EYS: variants seen among roughly 807,000 people sequenced by gnomAD.
EYS encodes the protein protein eyes shut homolog.
Under a neutral mutation model 282.1 loss-of-function variants are expected in EYS, and 250 were observed. The ratio of observed to expected loss-of-function variants is 0.89; its 90% CI spans 0.80 to 0.98. The LOEUF is 0.98. Ranked by LOEUF, EYS falls within the 50% of genes least tolerant of loss-of-function variation. EYS has a pLI of 0.00. For synonymous variants in EYS, 1,355 were observed against 1,282.9 expected (o/e 1.06, Z -1.20); for missense variants, 4,016 against 3,709.0 (o/e 1.08, Z -2.15).
chr6:64,068,566 G>A (rs888333367), intron 32 of EYS, among the ~76,000 whole-genome samples: 2 of 151,878 alleles, frequency 1.3e-5, no homozygotes, highest in Admixed American at 6.6e-5. Flanking sequence ...TGTAAATGAC[G>A]AGTTAATGGG....
intron 12 of EYS, among the ~76,000 whole-genome samples, chr6:65,238,496 T>G (rs367744787): frequency 6.6e-6 from 1 of 151,924 alleles, no homozygotes; most frequent in Non-Finnish European, 1.5e-5. Context: ...TTATTAGACC[T>G]CTTTAATCAT....
intron 30 of EYS, among the ~76,000 whole-genome samples, chr6:64,283,989 G>A (rs768097438): frequency 8.5e-5 from 13 of 152,132 alleles, no homozygotes; most frequent in Non-Finnish European, 1.8e-4. Flanking sequence ...AGATTTGGAT[G>A]AGGACACAGA....
At chr6:64,931,851 A>C (rs936474537) in intron 15 of EYS, among the ~76,000 whole-genome samples, 1 of 152,186 alleles carries the variant, frequency 6.6e-6, no homozygotes, top group South Asian at 2.1e-4. Context: ...ACAGAATCAA[A>C]CTTAATATGC....
chr6:64,783,218 C>T (rs1012768418), intron 22 of EYS, among the ~76,000 whole-genome samples: 1 of 152,022 alleles, frequency 6.6e-6, no homozygotes, highest in South Asian at 2.1e-4. Context: ...CTATGATTGT[C>T]CTATTTCATT....
chr6:65,269,283 A>G (rs1767836553), intron 12 of EYS, among the ~76,000 whole-genome samples: 1 of 152,154 alleles, frequency 6.6e-6, no homozygotes, highest in South Asian at 2.1e-4. Context: ...AAGCATGTCT[A>G]GATTATCTTG....
In EYS at chr6:63,776,849, C is replaced by A. The variant is rs184062383; in HGVS notation, c.7898+1157G>T. ...CCCTGTTTATTATCACATAAAAAAA[C>A]CCCCAAAATACTTAGTAGTAACCCC... On this transcript the variant is annotated intron_variant, in intron 40 of 42. Coordinates refer to ENST00000503581, the MANE Select transcript of EYS (RefSeq NM_001142800.2). Among the ~76,000 whole-genome samples, 926 of 152,156 alleles carry A rather than the reference C, an allele frequency of 6.1e-3. 3 individuals are homozygous for A. Among genetic ancestry groups the A allele is most frequent in the Non-Finnish European group, 8.7e-3 (592 of 67,980 alleles).
intron 19 of EYS, among the ~76,000 whole-genome samples, chr6:64,854,013 T>C (rs928711161): frequency 6.6e-6 from 1 of 152,064 alleles, no homozygotes; most frequent in African/African-American, 2.4e-5. Flanking sequence ...TCATCATCAC[T>C]GGCCATCAGA....
At chr6:63,732,010 T>G (rs1369414553) in intron 41 of EYS, among the ~76,000 whole-genome samples, 4 of 152,010 alleles carry the variant, frequency 2.6e-5, no homozygotes, top group African/African-American at 9.7e-5. Context: ...AACAACAGCA[T>G]GATGAGAGGG....
chr6:64,389,875 C>A (rs935398158), intron 28 of EYS, among the ~76,000 whole-genome samples: 2 of 152,130 alleles, frequency 1.3e-5, no homozygotes, highest in African/African-American at 2.4e-5. Flanking sequence ...GTTCATCTCA[C>A]TAGGGAGTGC....
At position 63,721,357 on chromosome 6, in the gene EYS, C is replaced by G; in HGVS notation, c.8674G>C (p.Val2892Leu). 6.4e-7 allele frequency: 1 copy of G among 1,551,930 alleles called. No individual in the cohort carries two copies. Among genetic ancestry groups the G allele is most frequent in the Non-Finnish European group, 8.7e-7 (1 of 1,146,994 alleles). ...CTGCAAGAAAAAGTTGTGCCATTTA[C>G]TGTACATTCACCTCCATTTCTGCAT... ...NTCRNGGECT[V>L]NGTTFSCRCL... is the part of the protein sequence containing the mutation. The change falls in exon 43 of 43, where the codon GTA becomes CTA. Residue 2892 changes from valine to leucine, a missense_variant. Transcript: ENST00000503581.
intron 22 of EYS, among the ~76,000 whole-genome samples, chr6:64,692,037 T>C (rs2149915609): frequency 6.6e-6 from 1 of 152,274 alleles, no homozygotes; most frequent in East Asian, 1.9e-4. Context: ...TGCTGGATTG[T>C]ATGGTAGCTC....
intron 18 of EYS, among the ~76,000 whole-genome samples, chr6:64,893,429 C>T (rs1259820472): frequency 1.3e-5 from 2 of 151,960 alleles, no homozygotes; most frequent in Admixed American, 6.6e-5. Context: ...TATGTGTCTA[C>T]AGTTTAATTT....
chr6:64,488,966 T>G (rs565141951), intron 26 of EYS, among the ~76,000 whole-genome samples: 2 of 151,034 alleles, frequency 1.3e-5, no homozygotes, highest in South Asian at 2.1e-4. Context: ...TTAATCTATT[T>G]CTATATGATC....
intron 22 of EYS, among the ~76,000 whole-genome samples, chr6:64,776,183 C>T (rs184628534): frequency 2.0e-5 from 3 of 152,190 alleles, no homozygotes; most frequent in East Asian, 1.9e-4. Context: ...TTGACATACT[C>T]GGTTGTTTTA....
chr6:64,491,503 A>G (rs1402470204), intron 26 of EYS, among the ~76,000 whole-genome samples: 1 of 150,994 alleles, frequency 6.6e-6, no homozygotes, highest in East Asian at 1.9e-4. Context: ...TGAAATTTTT[A>G]TTTAAACTTT....
intron 41 of EYS, among the ~76,000 whole-genome samples, chr6:63,730,171 T>A (rs1323051268): frequency 2.6e-5 from 4 of 152,320 alleles, no homozygotes; most frequent in Admixed American, 6.5e-5. Flanking sequence ...CATTAATAGA[T>A]TATAGCTGCA....
rs1211614579 is a variant in EYS at position 64,296,541 on chromosome 6, AATATATATATATAT to A, written c.6191+10415_6191+10428del. ...ACCTAGACAACAATTGTACTGGCAG[AATATATATATATAT>A]ATATATATATATATATATATATATA... is the stretch of plus-strand genomic sequence containing the variant. On this transcript the variant is annotated intron_variant, in intron 30 of 42. Coordinates refer to ENST00000503581, the MANE Select transcript of EYS (RefSeq NM_001142800.2). 5.1e-4 allele frequency among the ~76,000 whole-genome samples: 8 copies of A among 15,714 alleles called. No homozygotes were observed. In the East Asian group the frequency reaches 5.7e-3, roughly 11 times the overall value. 10.3% of individuals were successfully genotyped at this position (15,714 alleles called of 152,430 possible).
intron 19 of EYS, among the ~76,000 whole-genome samples, chr6:64,846,047 TA>T (rs1765704377): frequency 6.6e-6 from 1 of 152,150 alleles, no homozygotes; most frequent in African/African-American, 2.4e-5. Flanking sequence ...TCAATCATCT[TA>T]TAGAGGCAGT....
intron 22 of EYS, among the ~76,000 whole-genome samples, chr6:64,807,530 T>C (rs1027175226): frequency 1.3e-5 from 2 of 152,142 alleles, no homozygotes; most frequent in African/African-American, 2.4e-5. Flanking sequence ...AAATAACATA[T>C]ATAGTTTGGG....
Sources: allele counts gnomAD v4.1 joint callset (sites outside exome capture counted in the v4.1 genomes callset), GRCh38; gene constraint gnomAD v4.1.1; transcripts MANE v1.5; gene names NCBI Gene and HGNC (gene_info 2026-07-23, HGNC 2026-07-21).